Variants in KMT2D observed in about 807,000 individuals in gnomAD.
The protein encoded by KMT2D is lysine methyltransferase 2D.
Under a neutral mutation model 512.7 loss-of-function variants are expected in KMT2D, and 55 were observed. The observed-to-expected ratio is 0.11, with a 90% CI of 0.09 to 0.13. KMT2D has a LOEUF of 0.13. Ranked by LOEUF, KMT2D falls within the 10% of genes least tolerant of loss-of-function variation. The probability of loss-of-function intolerance (pLI) is 1.00; values close to 1 mark genes in which losing one functional copy is unlikely to be tolerated. For synonymous variants in KMT2D, 2,995 were observed against 2,904.0 expected, an observed-to-expected ratio of 1.03 and a Z score of -1.01; for missense variants, 6,061 against 7,127.9, an observed-to-expected ratio of 0.85 and a Z score of 5.39.
chr12:49,052,469 T>C (rs746808668), intron 10 of KMT2D, 45 bp from the exon 11 acceptor site: 6 of 1,545,838 alleles, frequency 3.9e-6, no homozygotes, highest in Non-Finnish European at 5.3e-6. Flanking sequence ...TCAGATCTAC[T>C]CCACAGAAAG....
Position 49,042,307 on chromosome 12 carries a change from G to A in KMT2D, c.5891C>T (p.Pro1964Leu), listed in dbSNP as rs754358999. The A allele has an allele frequency of 2.0e-5, 31 of 1,551,052 alleles. No homozygotes were observed. Among genetic ancestry groups the A allele is most frequent in the Non-Finnish European group, 2.4e-5 (28 of 1,146,902 alleles). Residue 1964 changes from proline (P) to leucine (L), a missense_variant, in exon 29 of 55, where the codon CCG becomes CTG. By Grantham distance (98) the Pro-to-Leu change is moderately conservative (BLOSUM62 -3). Around this residue, in one of 16 missense-constraint regions of KMT2D, gnomAD observed 640 missense variants for 814.3 expected, o/e 0.79. Coordinates refer to ENST00000301067, the MANE Select transcript of KMT2D (RefSeq NM_003482.4). This position sits in a 1 kb window ranked among gnomAD's most constrained non-coding sequence, Gnocchi z 4.4. ...DSRERGGFFS[P>L]EPGEPDSPWT... ...GGGGCTGTCGGGCTCACCGGGTTCC[G>A]GGCTAAAGAAGCCCCCGCGCTCCCT...
In KMT2D at chr12:49,033,742, G is replaced by A. The variant is rs1185951604; in HGVS notation, c.10963C>T (p.Leu3655Phe). 5 of 1,613,228 alleles carry A rather than the reference G, an allele frequency of 3.1e-6. No homozygotes were observed. The East Asian group carries it at 8.9e-5, about 29-fold the overall frequency. ...QGPPGGQAGGLRLTPGGMALP... is the reference protein window; with the variant it reads ...QGPPGGQAGGFRLTPGGMALP... ...GCCATACCCCCAGGGGTCAGGCGAA[G>A]ACCTCCGGCTTGCCCACCCGGAGGC... Residue 3655 changes from leucine to phenylalanine, a missense_variant, in exon 40 of 55, where the codon CTT becomes TTT. This residue lies in a region of KMT2D where 1,600 missense variants were observed against 1,754.9 expected (regional missense o/e 0.91). Transcript: ENST00000301067.
intron 14 of KMT2D, 139 bp from the exon 15 acceptor site, chr12:49,048,208 C>A (rs1171992052): frequency 8.6e-6 from 5 of 583,176 alleles, no homozygotes; most frequent in Non-Finnish European, 1.2e-5. Context: ...CTGTAAGCTA[C>A]CAAGGGACCC....
In KMT2D at chr12:49,038,816, C is replaced by T. The variant is rs776779364; in HGVS notation, c.8540G>A (p.Arg2847His). The stretch of plus-strand genomic sequence containing the variant: ...CGCCAACGGGGAACCTAGGGCTTGG[C>T]GGCCAAGTTCAGGTCCAGGAGTTGA... ...FPSTPGPELG[R>H]QALGSPLAGI... Residue 2847 changes from arginine (R) to histidine (H), a missense_variant, in exon 35 of 55, where the codon CGC (arginine) becomes CAC (histidine). By Grantham distance (29) the Arg-to-His change is conservative (BLOSUM62 0). Transcript: ENST00000301067. The surrounding 1 kb of genome is among the most constrained non-coding windows in gnomAD (Gnocchi z 5.7). 19 of 1,566,228 alleles carry T rather than the reference C, an allele frequency of 1.2e-5. No individual in the cohort carries two copies. The highest frequency in any genetic ancestry group is 4.1e-5 in the African/African-American group (3 of 73,700).
intron 46 of KMT2D, 59 bp downstream of exon 46, chr12:49,028,769 T>G (rs2120385174): frequency 1.3e-6 from 2 of 1,597,148 alleles, no homozygotes; most frequent in Non-Finnish European, 1.7e-6. Flanking sequence ...TCCAGACAAA[T>G]TCCAGGGACT....
intron 49 of KMT2D, among the ~76,000 whole-genome samples, chr12:49,025,791 GTTATT>G (rs1942547855): frequency 6.6e-6 from 1 of 152,132 alleles, no homozygotes; most frequent in African/African-American, 2.4e-5. Flanking sequence ...TGCTCTTACT[GTTATT>G]TTATCATTAA....
Position 49,049,168 on chromosome 12 carries a change from A to G in KMT2D, c.3957T>C (p.His1319=). 6.2e-7 allele frequency: 1 copy of G among 1,611,826 alleles called. No homozygotes were observed. The highest frequency in any genetic ancestry group is 8.5e-7 in the Non-Finnish European group (1 of 1,178,910). ...PGRRRPRGGA[H]GGRGRGRARL... ...GGGCCCGTCCTCTACCACGTCCTCC[A>G]TGGGCTCCTCCACGAGGCCGGCGTC... Residue 1319 remains histidine (H), a synonymous_variant, in exon 13 of 55, where the codon CAT becomes CAC. Transcript: ENST00000301067.
At position 49,027,050 on chromosome 12, in the gene KMT2D, T is replaced by C. The variant is rs2120366795; in HGVS notation, c.14916A>G (p.Glu4972=). ...KPRARPPEEG[E]DSRPPRLKKW... is the part of the protein sequence containing the mutation. ...TCTTGAGGCGAGGAGGACGGGAATCTTCACCTTCTTCAGGGGGCCGGGCAC... is the reference window on the plus strand; with the variant it reads ...TCTTGAGGCGAGGAGGACGGGAATCCTCACCTTCTTCAGGGGGCCGGGCAC... Residue 4972 remains glutamate, a synonymous_variant, in exon 49 of 55, where the codon GAA becomes GAG. Transcript: ENST00000301067. 1 of 1,613,928 alleles carries C rather than the reference T, an allele frequency of 6.2e-7. No individual in the cohort carries two copies. Among genetic ancestry groups the C allele is most frequent in the Non-Finnish European group, 8.5e-7 (1 of 1,179,850 alleles).
In KMT2D at chr12:49,051,509, A is replaced by T. The variant is rs757459288; in HGVS notation, c.2174T>A (p.Leu725Gln). 7 of 1,613,676 alleles carry T rather than the reference A, an allele frequency of 4.3e-6. No homozygotes were observed. The highest frequency in any genetic ancestry group is 5.9e-6 in the Non-Finnish European group (7 of 1,179,732). Residue 725 changes from leucine (L) to glutamine (Q), a missense_variant, in exon 11 of 55, where the codon CTG becomes CAG. Transcript: ENST00000301067. ...LMSLPLEESP[L>Q]LPLPEEPQLC... is the part of the protein sequence containing the mutation. The stretch of plus-strand genomic sequence containing the variant: ...TTGCGGCTCCTCAGGTAGTGGCAAC[A>T]GGGGTGACTCCTCCAGCGGCAGGGA...
chr12:49,032,143 C>A lies in KMT2D; in HGVS notation c.12562G>T (p.Val4188Phe), dbSNP rs1254610311. 1 of 1,613,640 alleles carries A rather than the reference C, an allele frequency of 6.2e-7. No individual in the cohort carries two copies. The highest frequency in any genetic ancestry group is 8.5e-7 in the Non-Finnish European group (1 of 1,179,756). ...TGACCCACCGTAGGCATGATTCCAA[C>A]CCCAGGCAGACCCTGCCCAGACTGG... is the stretch of plus-strand genomic sequence containing the variant. Reference protein sequence around the residue: ...VLQSGQGLPGVGIMPTVGQLR... With the variant: ...VLQSGQGLPGFGIMPTVGQLR... The change falls in exon 40 of 55, where the codon GTT becomes TTT. Residue 4188 changes from valine (V) to phenylalanine (F), a missense_variant. Physicochemically the swap from Val to Phe is conservative, Grantham distance 50. Coordinates refer to ENST00000301067, the MANE Select transcript of KMT2D (RefSeq NM_003482.4).
chr12:49,048,821 A>T lies in KMT2D; in HGVS notation c.4021-52T>A, dbSNP rs376597955. 2.5e-4 allele frequency: 313 copies of T among 1,232,958 alleles called. No homozygotes were observed. In the African/African-American group the frequency reaches 4.2e-3, roughly 17 times the overall value. The allele number at this position is 1,232,958 out of a possible 1,614,324, so 76.4% of individuals were successfully genotyped here. A position where few individuals can be genotyped will look rare whatever the true frequency, so the allele number is the denominator to read the frequency against. On this transcript the variant is annotated intron_variant, in intron 13 of 54. Coordinates refer to ENST00000301067, the MANE Select transcript of KMT2D (RefSeq NM_003482.4). ...GAGGCAGATAAATCTGCCCCCACCA[A>T]GCTACTTTCCTCTTTGGTGTTGGGG...
At chr12:49,056,816 AG>A (rs1938438602) in intron 1 of KMT2D, among the ~76,000 whole-genome samples, 1 of 152,216 alleles carries the variant, frequency 6.6e-6, no homozygotes, top group Admixed American at 6.5e-5. Context: ...GAACCCTCAA[AG>A]GTGCCCCAAA....
Position 49,033,217 on chromosome 12 carries a change from T to A in KMT2D, c.11488A>T (p.Thr3830Ser), listed in dbSNP as rs2120440831. The change falls in exon 40 of 55, where the codon ACC becomes TCC. Residue 3830 changes from threonine (T) to serine (S), a missense_variant. By Grantham distance (58) the Thr-to-Ser change is moderately conservative. Transcript: ENST00000301067. The part of the protein sequence containing the change: ...PQGPHRQVLM[T>S]QSRVLSSPQL... ...GGGGAACTGAGCACCCGGGACTGGGTCATAAGCACCTGTCTGTGAGGGCCC... is the reference window on the plus strand; with the variant it reads ...GGGGAACTGAGCACCCGGGACTGGGACATAAGCACCTGTCTGTGAGGGCCC... 6.4e-7 allele frequency: 1 copy of A among 1,551,286 alleles called. No individual in the cohort carries two copies. The highest frequency in any genetic ancestry group is 8.7e-7 in the Non-Finnish European group (1 of 1,146,880).
At position 49,053,596 on chromosome 12, in the gene KMT2D, T is replaced by C. The variant is rs2120698645; in HGVS notation, c.719A>G (p.Asp240Gly). 1 of 1,597,606 alleles carries C rather than the reference T, an allele frequency of 6.3e-7. No individual in the cohort carries two copies. The highest frequency in any genetic ancestry group is 1.1e-5 in the South Asian group (1 of 88,162). The change falls in exon 7 of 55, where the codon GAC becomes GGC. Residue 240 changes from aspartate to glycine, a missense_variant. Transcript: ENST00000301067. ...CCCACAGCTGGTACAGAAGAACAGG[T>C]CACACAACTCCCCTGGCCCCTCACA... ...AVCEGPGELCDLFFCTSCGHH... is the reference protein window; with the variant it reads ...AVCEGPGELCGLFFCTSCGHH...
rs753904718 is a variant in KMT2D at position 49,038,044 on chromosome 12, A to T, written c.9312T>A (p.Ala3104=). 1.9e-6 allele frequency: 3 copies of T among 1,611,816 alleles called. No individual in the cohort carries two copies. The highest frequency in any genetic ancestry group is 1.1e-5 in the South Asian group (1 of 90,772). ...ATGCCAGGCGGGGTTCAGAGGCATCAGCAGCAGGGGGAGGGCGCTCCTCAG... is the reference window on the plus strand; with the variant it reads ...ATGCCAGGCGGGGTTCAGAGGCATCTGCAGCAGGGGGAGGGCGCTCCTCAG... The part of the protein sequence containing the change: ...LGPEERPPPA[A]DASEPRLASV... Residue 3104 remains alanine, a synonymous_variant, in exon 35 of 55, where the codon GCT becomes GCA. Transcript: ENST00000301067. The surrounding 1 kb of genome is among the most constrained non-coding windows in gnomAD (Gnocchi z 5.7).
Position 49,051,516 on chromosome 12 carries a change from A to C in KMT2D, c.2167T>G (p.Ser723Ala). Reference sequence around the variant, plus strand: ...TCCTCAGGTAGTGGCAACAGGGGTGACTCCTCCAGCGGCAGGGACATGAGC... The same window carrying C: ...TCCTCAGGTAGTGGCAACAGGGGTGCCTCCTCCAGCGGCAGGGACATGAGC... ...DSLMSLPLEE[S>A]PLLPLPEEPQ... The change falls in exon 11 of 55, where the codon TCA (serine) becomes GCA (alanine). Residue 723 changes from serine (S) to alanine (A), a missense_variant. Transcript: ENST00000301067. 2 of 1,612,822 alleles carry C rather than the reference A, an allele frequency of 1.2e-6. No homozygotes were observed. The highest frequency in any genetic ancestry group is 1.7e-6 in the Non-Finnish European group (2 of 1,179,520).
At position 49,019,042 on chromosome 12, in the gene KMT2D, C is replaced by T. The variant is rs1942155029; in HGVS notation, c.*2738G>A. 6.6e-6 allele frequency: 9 copies of T among 1,368,058 alleles called. No individual in the cohort carries two copies. The highest frequency in any genetic ancestry group is 6.5e-5 in the South Asian group (4 of 61,102). The allele number at this position is 1,368,058 out of a possible 1,614,324, so 84.7% of individuals were successfully genotyped here. ...AACTTGGAAGAAGCAAAATCCAAAA[C>T]TTGCCCTTTGCCTCTCGCAACATAA... On this transcript the variant is annotated 3_prime_UTR_variant, in exon 55 of 55. Coordinates refer to ENST00000301067, the MANE Select transcript of KMT2D (RefSeq NM_003482.4).
intron 11 of KMT2D, 36 bp from the exon 12 acceptor site, chr12:49,050,826 T>G (rs1215708884): frequency 6.3e-7 from 1 of 1,579,840 alleles, no homozygotes; most frequent in Non-Finnish European, 8.6e-7. Context: ...GCTCTTAGAT[T>G]AGATGTGCCA....
rs1262693475 is a variant in KMT2D at position 49,042,576 on chromosome 12, G to A, written c.5852C>T (p.Pro1951Leu). ...MDSYPGLCQS[P>L]FLDSRERGGF... ...AGACACCAACCTAGAATCCAGGAAC[G>A]GGGACTGGCAGAGGCCTGGGTAGGA... The change falls in exon 28 of 55, where the codon CCG becomes CTG. Residue 1951 changes from proline to leucine, a missense_variant. Coordinates refer to ENST00000301067, the MANE Select transcript of KMT2D (RefSeq NM_003482.4). The surrounding 1 kb of genome is among the most constrained non-coding windows in gnomAD (Gnocchi z 4.4). 4 of 1,613,810 alleles carry A rather than the reference G, an allele frequency of 2.5e-6. No homozygotes were observed. The highest frequency in any genetic ancestry group is 2.2e-5 in the East Asian group (1 of 44,872).
Sources: allele counts gnomAD v4.1 joint callset (sites outside exome capture counted in the v4.1 genomes callset), GRCh38; gene constraint gnomAD v4.1.1; regional missense constraint gnomAD v4.1.1; non-coding constraint Gnocchi (gnomAD v3.1); transcripts MANE v1.5; gene names NCBI Gene and HGNC (gene_info 2026-07-23, HGNC 2026-07-21).